ZMYM1: variants seen among roughly 807,000 people sequenced by gnomAD.
The protein encoded by ZMYM1 is zinc finger MYM-type containing 1.
In ZMYM1, 39 loss-of-function variants were observed where a neutral mutation model predicts 60.0. The observed-to-expected ratio is 0.65, with a 90% CI of 0.50 to 0.85. The LOEUF (loss-of-function observed/expected upper bound fraction) is 0.85, where lower values mean the gene tolerates loss of function less well. Among genes scored for constraint, ZMYM1 ranks in the 40% least tolerant of loss-of-function variants. The pLI is 0.00. For synonymous variants in ZMYM1, 413 were observed against 454.0 expected (o/e 0.91, Z 1.15); for missense variants, 1,171 against 1,309.5 (o/e 0.89, Z 1.63).
At chr1:35,072,596 T>G (rs1407828758) in intron 1 of ZMYM1, among the ~76,000 whole-genome samples, 1 of 152,142 alleles carries the variant, frequency 6.6e-6, no homozygotes, top group Non-Finnish European at 1.5e-5. Flanking sequence ...AATTTCAGGT[T>G]TAGTTTTTTC....
intron 1 of ZMYM1, among the ~76,000 whole-genome samples, chr1:35,080,704 C>T (rs1642341937): frequency 6.6e-6 from 1 of 151,978 alleles, no homozygotes; most frequent in African/African-American, 2.4e-5. Flanking sequence ...TCAAATTTCA[C>T]CTCCCAGAAG....
At chr1:35,108,939 G>T (rs1386760308) in intron 6 of ZMYM1, among the ~76,000 whole-genome samples, 1 of 151,774 alleles carries the variant, frequency 6.6e-6, no homozygotes, top group Admixed American at 6.6e-5. Flanking sequence ...CGAACTCCTG[G>T]GCTCAAGTGA....
At chr1:35,083,176 C>T (rs1039335883) in intron 1 of ZMYM1, among the ~76,000 whole-genome samples, 76 of 148,838 alleles carry the variant, frequency 5.1e-4, no homozygotes, top group Admixed American at 3.9e-3. Flanking sequence ...TTTTTTAAGA[C>T]AGGGTCTCAC....
chr1:35,087,156 A>G (rs1047777743), intron 1 of ZMYM1, among the ~76,000 whole-genome samples: 2 of 150,022 alleles, frequency 1.3e-5, no homozygotes, highest in African/African-American at 4.9e-5. Flanking sequence ...ACACCTGACT[A>G]ATTTTTTGAA....
chr1:35,110,221 TG>T (rs1287342176), intron 6 of ZMYM1, 72 bp from the exon 7 acceptor site: 21 of 1,122,654 alleles, frequency 1.9e-5, no homozygotes, highest in Non-Finnish European at 2.5e-5. Flanking sequence ...CTAAAAGCAG[TG>T]GTAATAGGTT....
chr1:35,099,511 T>C (rs1643523567), intron 4 of ZMYM1, among the ~76,000 whole-genome samples: 1 of 152,160 alleles, frequency 6.6e-6, no homozygotes, highest in African/African-American at 2.4e-5. Context: ...TTACTTCCTC[T>C]AGAATAAAAT....
Position 35,113,891 on chromosome 1 carries a change from G to A in ZMYM1, c.2061G>A (p.Glu687=). 1 of 1,613,878 alleles carries A rather than the reference G, an allele frequency of 6.2e-7. No homozygotes were observed. The highest frequency in any genetic ancestry group is 8.5e-7 in the Non-Finnish European group (1 of 1,179,888). Residue 687 remains glutamate, a synonymous_variant, in exon 10 of 10, where the codon GAG becomes GAA. Coordinates refer to ENST00000359858, the MANE Select transcript of ZMYM1 (RefSeq NM_024772.5). ...ERFLGFVDTE[E]MTGTHLHRTI... is the part of the protein sequence containing the mutation. ...TCTTGGGTTTTGTTGATACTGAGGAGATGACTGGGACCCACTTACATAGGA... is the reference window on the plus strand; with the variant it reads ...TCTTGGGTTTTGTTGATACTGAGGAAATGACTGGGACCCACTTACATAGGA...
At chr1:35,099,727 GTTAC>G (rs936184441) in intron 4 of ZMYM1, among the ~76,000 whole-genome samples, 1 of 151,936 alleles carries the variant, frequency 6.6e-6, no homozygotes, top group African/African-American at 2.4e-5. Flanking sequence ...ATAATTTTCA[GTTAC>G]TTATTTATTT....
chr1:35,078,869 C>A (rs1642227059), upstream of ZMYM1: 2 of 151,880 alleles, frequency 1.3e-5, 1 homozygote, highest in South Asian at 4.1e-4. Flanking sequence ...TTAATTTTAA[C>A]GTACTAATGA....
At chr1:35,078,044 C>G (rs546828094), upstream of ZMYM1, among the ~76,000 whole-genome samples, 6 of 152,262 alleles carry the variant, frequency 3.9e-5, no homozygotes, top group Admixed American at 2.6e-4. Flanking sequence ...TACCTTTATC[C>G]TCTTGCCTTC....
intron 4 of ZMYM1, 87 bp from the exon 5 acceptor site, chr1:35,104,208 C>T: frequency 8.3e-7 from 1 of 1,204,856 alleles, no homozygotes; most frequent in Non-Finnish European, 1.1e-6. Flanking sequence ...AATGTTCTTA[C>T]TCTAATTTGA....
At chr1:35,072,777 A>G (rs1642089684) in intron 1 of ZMYM1, among the ~76,000 whole-genome samples, 1 of 151,710 alleles carries the variant, frequency 6.6e-6, no homozygotes, top group African/African-American at 2.4e-5. Flanking sequence ...GTGAAACCCC[A>G]TCTCTACTAA....
upstream of ZMYM1, among the ~76,000 whole-genome samples, chr1:35,077,293 C>T (rs1173974241): frequency 6.6e-6 from 1 of 152,134 alleles, no homozygotes; most frequent in African/African-American, 2.4e-5. Context: ...GGAGATCTAA[C>T]CTAATGGACT....
At chr1:35,075,814 G>C (rs1327484933), upstream of ZMYM1, among the ~76,000 whole-genome samples, 1 of 152,158 alleles carries the variant, frequency 6.6e-6, no homozygotes, top group Admixed American at 6.5e-5. Flanking sequence ...ACTAAAGGCA[G>C]CTTTACTTCC....
chr1:35,117,016 T>G (rs1234683853), downstream of ZMYM1, among the ~76,000 whole-genome samples: 1 of 150,426 alleles, frequency 6.6e-6, no homozygotes. Context: ...GCTAATTTTT[T>G]GTATTTTTAG....
intron 1 of ZMYM1, among the ~76,000 whole-genome samples, chr1:35,090,102 T>A (rs1221248582): frequency 1.3e-5 from 2 of 152,112 alleles, no homozygotes; most frequent in East Asian, 3.9e-4. Flanking sequence ...GAGATGGGGT[T>A]TCACCATGTT....
At chr1:35,098,598 A>C (rs757324410) in intron 4 of ZMYM1, among the ~76,000 whole-genome samples, 76 of 152,180 alleles carry the variant, frequency 5.0e-4, no homozygotes, top group Admixed American at 3.9e-3. Context: ...GCATCACCCA[A>C]GAGTTTGTTA....
At chr1:35,095,497 A>G (rs1012038840) in intron 2 of ZMYM1, among the ~76,000 whole-genome samples, 2 of 145,052 alleles carry the variant, frequency 1.4e-5, no homozygotes, top group African/African-American at 5.6e-5. Flanking sequence ...TCTCAAAAAA[A>G]AAAGAAAAAA....
chr1:35,060,318 G>A (rs1343930238), intron 1 of ZMYM1, among the ~76,000 whole-genome samples: 1 of 151,894 alleles, frequency 6.6e-6, no homozygotes, highest in African/African-American at 2.4e-5. Flanking sequence ...GCACCACCAT[G>A]CCCAGCTAAT....
Sources: gnomAD v4.1 joint callset for allele counts (sites outside exome capture counted in the v4.1 genomes callset) on GRCh38, gnomAD v4.1.1 for gene constraint, MANE v1.5 for transcripts, NCBI Gene and HGNC (gene_info 2026-07-23, HGNC 2026-07-21) for gene names.